The following MAP3K4 variants were observed in gnomAD, a reference collection of about 807,000 sequenced individuals.
MAP3K4 encodes mitogen-activated protein kinase kinase kinase 4.
MAP3K4 carries 67 observed loss-of-function variants against 185.6 expected under a neutral mutation model. The ratio of observed to expected loss-of-function variants is 0.36; its 90% CI spans 0.30 to 0.44. The LOEUF is 0.44. Among genes scored for constraint, MAP3K4 ranks in the 20% least tolerant of loss-of-function variants. MAP3K4 has a pLI of 1.00. For missense variants in MAP3K4, 1,551 were observed against 1,995.1 expected, an observed-to-expected ratio of 0.78 and a Z score of 4.24; for synonymous variants, 702 against 710.4, an observed-to-expected ratio of 0.99 and a Z score of 0.19.
intron 1 of MAP3K4, among the ~76,000 whole-genome samples, chr6:161,001,181 T>A (rs1184809095): frequency 6.7e-6 from 1 of 149,092 alleles, no homozygotes; most frequent in Non-Finnish European, 1.5e-5. Context: ...TACACATATA[T>A]AAGAAATCCA....
Position 161,063,968 on chromosome 6 carries a change from G to A in MAP3K4, c.1708-6640G>A, listed in dbSNP as rs1784590736. 6.6e-6 allele frequency among the ~76,000 whole-genome samples: 1 copy of A among 152,104 alleles called. No homozygotes were observed. Among genetic ancestry groups the A allele is most frequent in the Non-Finnish European group, 1.5e-5 (1 of 68,020 alleles). ...CCACCTCTTCTCTTTGGGGAGTCAT[G>A]ACCACCCCTTTTCATCTAGTTTTGT... is the stretch of plus-strand genomic sequence containing the variant. On this transcript the variant is annotated intron_variant, in intron 3 of 26. Coordinates refer to ENST00000392142, the MANE Select transcript of MAP3K4 (RefSeq NM_005922.4). This position sits in a 1 kb window ranked among gnomAD's most constrained non-coding sequence, Gnocchi z 5.4.
Position 161,034,389 on chromosome 6 carries a change from A to G in MAP3K4, c.283A>G (p.Met95Val). 6.2e-7 allele frequency: 1 copy of G among 1,613,980 alleles called. No homozygotes were observed. Among genetic ancestry groups the G allele is most frequent in the Non-Finnish European group, 8.5e-7 (1 of 1,179,908 alleles). The change falls in exon 2 of 27, where the codon ATG (methionine) becomes GTG (valine). Residue 95 changes from methionine to valine, a missense_variant. By Grantham distance (21) the Met-to-Val change is conservative (BLOSUM62 1). Transcript: ENST00000392142. This position sits in a 1 kb window ranked among gnomAD's most constrained non-coding sequence, Gnocchi z 4.4. ...CAGCACACCTCGACAGATGAAACGC[A>G]TGTCAACCAAACATCAGAGGAATAA... is the stretch of plus-strand genomic sequence containing the variant. ...PPSTPRQMKRMSTKHQRNNVG... is the reference protein window; with the variant it reads ...PPSTPRQMKRVSTKHQRNNVG...
intron 2 of MAP3K4, among the ~76,000 whole-genome samples, chr6:161,047,039 G>A (rs1783759432): frequency 6.9e-6 from 1 of 145,892 alleles, no homozygotes; most frequent in Non-Finnish European, 1.5e-5. Flanking sequence ...TTGATGGTGT[G>A]TTCTTATAAT....
chr6:161,034,296 C>T lies in MAP3K4; in HGVS notation c.190C>T (p.Pro64Ser), dbSNP rs147981479. 909 of 1,613,788 alleles carry T rather than the reference C, an allele frequency of 5.6e-4. 3 individuals are homozygous for T. The African/African-American group carries it at 0.01, about 19-fold the overall frequency. Residue 64 changes from proline to serine, a missense_variant, in exon 2 of 27, where the codon CCT becomes TCT. This residue lies in a region of MAP3K4 where 287 missense variants were observed against 268.8 expected (regional missense o/e 1.07). Transcript: ENST00000392142. This position sits in a 1 kb window ranked among gnomAD's most constrained non-coding sequence, Gnocchi z 4.4. ...GTLGDSACKS[P>S]ESDLEDFSDE... ...ATTGGGAGATTCAGCTTGCAAGAGT[C>T]CTGAATCTGATCTAGAAGACTTCTC... is the stretch of plus-strand genomic sequence containing the variant.
At chr6:161,001,014 GTATATAATATATA>G (rs1562472190) in intron 1 of MAP3K4, among the ~76,000 whole-genome samples, 3 of 19,822 alleles carry the variant, frequency 1.5e-4, no homozygotes, top group Non-Finnish European at 2.8e-4. Context: ...ATACACATAT[GTATATAATATATA>G]TTATATATTA....
At position 161,067,450 on chromosome 6, in the gene MAP3K4, C is replaced by T. The variant is rs767988972; in HGVS notation, c.1708-3158C>T. Reference sequence around the variant, plus strand: ...CCTTTAGCTTAATGATTTGGGGGCTCCAAGATTTGTTTTCCTTTCACAACC... The same window carrying T: ...CCTTTAGCTTAATGATTTGGGGGCTTCAAGATTTGTTTTCCTTTCACAACC... On this transcript the variant is annotated intron_variant, in intron 3 of 26. Transcript: ENST00000392142. This position sits in a 1 kb window ranked among gnomAD's most constrained non-coding sequence, Gnocchi z 6.3. Among the ~76,000 whole-genome samples, 2 of 152,116 alleles carry T rather than the reference C, an allele frequency of 1.3e-5. No individual in the cohort carries two copies. Among genetic ancestry groups the T allele is most frequent in the Non-Finnish European group, 2.9e-5 (2 of 68,012 alleles).
rs1783473677 is a variant in MAP3K4 at position 161,041,910 on chromosome 6, T to A, written c.344-6706T>A. ...GAGGGTAAAGGCCTTGAGTTATTGT[T>A]TCTTTTTTTTTTTTTCTTTTTTTTT... On this transcript the variant is annotated intron_variant, in intron 2 of 26. Transcript: ENST00000392142. Among the ~76,000 whole-genome samples the A allele has an allele frequency of 2.6e-5, 3 of 114,402 alleles. No individual in the cohort carries two copies. In the South Asian group the frequency reaches 9.2e-4, roughly 35 times the overall value. The allele number at this position is 114,402 out of a possible 152,430, so 75.1% of individuals were successfully genotyped here. A position where few individuals can be genotyped will look rare whatever the true frequency, so the allele number is the denominator to read the frequency against.
intron 2 of MAP3K4, among the ~76,000 whole-genome samples, chr6:161,047,543 G>A (rs1434620197): frequency 6.6e-6 from 1 of 152,096 alleles, no homozygotes; most frequent in Admixed American, 6.6e-5. Flanking sequence ...AATAAACTAT[G>A]CCTTGAGTGT....
rs1183837140 is a variant in MAP3K4, at chr6:161,059,853, TC to T, written c.1707+9879del. ...TTCTAAAGTGTTTTAGTCTGTAGATTCCCCCTGCCTTTTTTTTTTTGCCATA... is the reference window on the plus strand; with the variant it reads ...TTCTAAAGTGTTTTAGTCTGTAGATTCCCCTGCCTTTTTTTTTTTGCCATA... On this transcript the variant is annotated intron_variant, in intron 3 of 26. Transcript: ENST00000392142. 1.8e-5 allele frequency among the ~76,000 whole-genome samples: 2 copies of T among 109,394 alleles called. 1 individual carries two copies. The highest frequency in any genetic ancestry group is 3.9e-5 in the Non-Finnish European group (2 of 51,728). 71.8% of individuals were successfully genotyped at this position (109,394 alleles called of 152,430 possible). A position where few individuals can be genotyped will look rare whatever the true frequency, so the allele number is the denominator to read the frequency against.
chr6:161,046,409 A>G (rs1783731231), intron 2 of MAP3K4, among the ~76,000 whole-genome samples: 1 of 152,146 alleles, frequency 6.6e-6, no homozygotes, highest in Non-Finnish European at 1.5e-5. Flanking sequence ...TTATAGCTAG[A>G]AACAATAAAA....
At position 161,084,695 on chromosome 6, in the gene MAP3K4, C is replaced by G; in HGVS notation, c.2372+78C>G. 1 of 805,212 alleles carries G rather than the reference C, an allele frequency of 1.2e-6. No individual in the cohort carries two copies. Among genetic ancestry groups the G allele is most frequent in the Admixed American group, 2.0e-5 (1 of 50,096 alleles). 49.9% of individuals were successfully genotyped at this position (805,212 alleles called of 1,614,324 possible). On this transcript the variant is annotated intron_variant, in intron 7 of 26. Coordinates refer to ENST00000392142, the MANE Select transcript of MAP3K4 (RefSeq NM_005922.4). This position sits in a 1 kb window ranked among gnomAD's most constrained non-coding sequence, Gnocchi z 4.6. ...CTCATGGTGAGATCCTAGAAGGAGC[C>G]TTGTTCAAACCAAATTGTGTTGGCC... is the stretch of plus-strand genomic sequence containing the variant.
At position 161,107,823 on chromosome 6, in the gene MAP3K4, T is replaced by A; in HGVS notation, c.4049-76T>A. On this transcript the variant is annotated intron_variant, in intron 20 of 26. Coordinates refer to ENST00000392142, the MANE Select transcript of MAP3K4 (RefSeq NM_005922.4). The surrounding 1 kb of genome is among the most constrained non-coding windows in gnomAD (Gnocchi z 6.2). Reference sequence around the variant, plus strand: ...ATATACGTCCAAAATAATTGGACAGTATTATTACAAGTTTAAGGAATGTAA... The same window carrying A: ...ATATACGTCCAAAATAATTGGACAGAATTATTACAAGTTTAAGGAATGTAA... The A allele has an allele frequency of 1.1e-6, 1 of 943,192 alleles. No homozygotes were observed. The allele number at this position is 943,192 out of a possible 1,614,324, so 58.4% of individuals were successfully genotyped here.
chr6:161,117,040 A>G lies in MAP3K4; in HGVS notation c.*170A>G, dbSNP rs758226756. On this transcript the variant is annotated 3_prime_UTR_variant, in exon 27 of 27. Transcript: ENST00000392142. The stretch of plus-strand genomic sequence containing the variant: ...CTGCTCCTGTTTGTCTGATGTGGCA[A>G]AAGGCCCTCTGGAGGGCTGGTGGCC... The G allele has an allele frequency of 1.5e-6, 1 of 656,070 alleles. No individual in the cohort carries two copies. The highest frequency in any genetic ancestry group is 2.6e-6 in the Non-Finnish European group (1 of 380,598). The allele number at this position is 656,070 out of a possible 1,614,324, so 40.6% of individuals were successfully genotyped here. A position where few individuals can be genotyped will look rare whatever the true frequency, so the allele number is the denominator to read the frequency against.
At chr6:161,040,470 G>T (rs2114737272) in intron 2 of MAP3K4, among the ~76,000 whole-genome samples, 1 of 152,318 alleles carries the variant, frequency 6.6e-6, no homozygotes, top group East Asian at 1.9e-4. Flanking sequence ...AGGATTGTGG[G>T]TCCCTGGAAA....
rs1583229961 is a variant in MAP3K4 at position 161,098,113 on chromosome 6, G to GT, written c.3525-159dup. The GT allele has an allele frequency of 3.6e-6, 3 of 823,386 alleles. No individual in the cohort carries two copies. The highest frequency in any genetic ancestry group is 2.6e-5 in the East Asian group (1 of 37,894). 51.0% of individuals were successfully genotyped at this position (823,386 alleles called of 1,614,324 possible). ...AAAAAAAGAAAAGCTTTGAAGTTAG[G>GT]TTTTTTCTTTTTTACACCTAGACTC... On this transcript the variant is annotated intron_variant, in intron 16 of 26. Coordinates refer to ENST00000392142, the MANE Select transcript of MAP3K4 (RefSeq NM_005922.4). The surrounding 1 kb of genome is among the most constrained non-coding windows in gnomAD (Gnocchi z 4.4).
Position 161,109,362 on chromosome 6 carries a change from T to C in MAP3K4, c.4237-393T>C, listed in dbSNP as rs1251741918. Among the ~76,000 whole-genome samples, 1 of 151,954 alleles carries C rather than the reference T, an allele frequency of 6.6e-6. No homozygotes were observed. The highest frequency in any genetic ancestry group is 1.5e-5 in the Non-Finnish European group (1 of 67,944). ...ATGAGCTTCCAGGGGAAGTTGGAAA[T>C]GGATCATTTTTAATGTTTTTACAAA... On this transcript the variant is annotated intron_variant, in intron 22 of 26. Transcript: ENST00000392142. The surrounding 1 kb of genome is among the most constrained non-coding windows in gnomAD (Gnocchi z 5.7).
At chr6:161,041,270 C>T (rs1436920684) in intron 2 of MAP3K4, among the ~76,000 whole-genome samples, 2 of 152,230 alleles carry the variant, frequency 1.3e-5, no homozygotes, top group Admixed American at 1.3e-4. Context: ...TGAATGCTGA[C>T]CACGCTGATG....
intron 1 of MAP3K4, among the ~76,000 whole-genome samples, chr6:160,993,735 TA>T (rs11291500): frequency 0.78 from 115,366 of 148,278 alleles, 44,823 homozygotes; most frequent in Non-Finnish European, 0.82. Context: ...GCTTCAGTGG[TA>T]AAAAAAAAAA....
chr6:161,075,912 G>A lies in MAP3K4; in HGVS notation c.2097+2300G>A, dbSNP rs1785153942. On this transcript the variant is annotated intron_variant, in intron 5 of 26. Transcript: ENST00000392142. This position sits in a 1 kb window ranked among gnomAD's most constrained non-coding sequence, Gnocchi z 4.3. ...GGCAAAGGTGTGTTCTGAGGACTAGGGGAGCCCAAACAAAATCAGTGTTTC... is the reference window on the plus strand; with the variant it reads ...GGCAAAGGTGTGTTCTGAGGACTAGAGGAGCCCAAACAAAATCAGTGTTTC... 6.6e-6 allele frequency among the ~76,000 whole-genome samples: 1 copy of A among 152,092 alleles called. No homozygotes were observed. Among genetic ancestry groups the A allele is most frequent in the South Asian group, 2.1e-4 (1 of 4,816 alleles).
Sources: gnomAD v4.1 joint callset for allele counts (sites outside exome capture counted in the v4.1 genomes callset) on GRCh38, gnomAD v4.1.1 for gene constraint, gnomAD v4.1.1 regional missense constraint, Gnocchi (gnomAD v3.1) non-coding constraint, MANE v1.5 for transcripts, NCBI Gene and HGNC (gene_info 2026-07-23, HGNC 2026-07-21) for gene names.